The following PLEKHM3 variants were observed in gnomAD, a reference collection of about 807,000 sequenced individuals.
The protein encoded by PLEKHM3 is pleckstrin homology domain-containing family M member 3.
In PLEKHM3, 45 loss-of-function variants were observed where a neutral mutation model predicts 81.8. The observed-to-expected ratio is 0.55, with a 90% CI of 0.43 to 0.71. The LOEUF (loss-of-function observed/expected upper bound fraction) is 0.71. Ranked by LOEUF, PLEKHM3 falls within the 30% of genes least tolerant of loss-of-function variation. PLEKHM3 has a pLI of 0.00. For missense variants in PLEKHM3, 788 were observed against 924.3 expected (o/e 0.85, Z 1.91); for synonymous variants, 352 against 356.4 (o/e 0.99, Z 0.14).
At chr2:207,948,033 C>T (rs1159928132) in intron 3 of PLEKHM3, among the ~76,000 whole-genome samples, 3 of 152,144 alleles carry the variant, frequency 2.0e-5, no homozygotes, top group African/African-American at 7.2e-5. Flanking sequence ...GCTTCCAGAG[C>T]TTGATCCAGT....
chr2:208,009,848 C>CGAA (rs1357508635), intron 1 of PLEKHM3, among the ~76,000 whole-genome samples: 1 of 152,142 alleles, frequency 6.6e-6, no homozygotes, highest in East Asian at 1.9e-4. Context: ...ATTTGAATTC[C>CGAA]TTATAGGCTC....
intron 3 of PLEKHM3, among the ~76,000 whole-genome samples, chr2:207,964,092 G>C (rs1177569338): frequency 6.6e-6 from 1 of 152,040 alleles, no homozygotes; most frequent in African/African-American, 2.4e-5. Flanking sequence ...CATGCCTGTA[G>C]TCCCAGCTAC....
At position 207,963,289 on chromosome 2, in the gene PLEKHM3, A is replaced by G. The variant is rs577514191; in HGVS notation, c.1546+13362T>C. 3.3e-5 allele frequency among the ~76,000 whole-genome samples: 5 copies of G among 152,340 alleles called. No individual in the cohort carries two copies. In the South Asian group the frequency reaches 6.2e-4, roughly 19 times the overall value. On this transcript the variant is annotated intron_variant, in intron 3 of 7. Coordinates refer to ENST00000427836, the MANE Select transcript of PLEKHM3 (RefSeq NM_001080475.3). ...GAAAGTGGTGCATCTGAGGAACAGAAGAAAGCCAGTGTGGCTGGAACAGTG... is the reference window on the plus strand; with the variant it reads ...GAAAGTGGTGCATCTGAGGAACAGAGGAAAGCCAGTGTGGCTGGAACAGTG...
intron 1 of PLEKHM3, among the ~76,000 whole-genome samples, chr2:208,010,714 C>T (rs527881087): frequency 7.9e-5 from 12 of 152,128 alleles, no homozygotes; most frequent in Non-Finnish European, 1.0e-4. Context: ...ATGCAAGATA[C>T]CCAGAAAGGG....
chr2:207,843,383 A>C lies in PLEKHM3; in HGVS notation c.2109-14887T>G, dbSNP rs1006549111. Among the ~76,000 whole-genome samples the C allele has an allele frequency of 1.3e-5, 2 of 152,188 alleles. No homozygotes were observed. Among genetic ancestry groups the C allele is most frequent in the Admixed American group, 6.5e-5 (1 of 15,272 alleles). On this transcript the variant is annotated intron_variant, in intron 7 of 7. Transcript: ENST00000427836. This position sits in a 1 kb window ranked among gnomAD's most constrained non-coding sequence, Gnocchi z 4.4. Reference sequence around the variant, plus strand: ...TAGCCTGGGAGAAGGAGACTTGAGTACTGCTTGTAGGTACTTTGGAAGTAT... The same window carrying C: ...TAGCCTGGGAGAAGGAGACTTGAGTCCTGCTTGTAGGTACTTTGGAAGTAT...
intron 6 of PLEKHM3, among the ~76,000 whole-genome samples, chr2:207,892,912 G>A (rs1284813236): frequency 6.6e-6 from 1 of 152,170 alleles, no homozygotes; most frequent in African/African-American, 2.4e-5. Flanking sequence ...CAAACTCATA[G>A]AAGGAATTCA....
At chr2:207,917,311 T>C (rs1466804980) in intron 5 of PLEKHM3, among the ~76,000 whole-genome samples, 5 of 151,994 alleles carry the variant, frequency 3.3e-5, no homozygotes, top group Admixed American at 2.0e-4. Flanking sequence ...ACATAAAGAG[T>C]TGTTTTCACT....
At chr2:207,862,916 A>G (rs2092475067) in intron 6 of PLEKHM3, among the ~76,000 whole-genome samples, 1 of 152,200 alleles carries the variant, frequency 6.6e-6, no homozygotes, top group African/African-American at 2.4e-5. Flanking sequence ...GTACCCTCCC[A>G]TGTGTGGAAA....
At chr2:207,895,342 G>A (rs1688188115) in intron 6 of PLEKHM3, among the ~76,000 whole-genome samples, 1 of 152,158 alleles carries the variant, frequency 6.6e-6, no homozygotes, top group African/African-American at 2.4e-5. Flanking sequence ...TCTGCCAGAT[G>A]ATCAGTCCCT....
intron 6 of PLEKHM3, among the ~76,000 whole-genome samples, chr2:207,874,391 A>G (rs1455360493): frequency 3.3e-5 from 5 of 152,008 alleles, no homozygotes; most frequent in African/African-American, 4.8e-5. Flanking sequence ...CCTGACCAAA[A>G]TGGACAAACC....
At chr2:207,929,770 T>C (rs537453688) in intron 5 of PLEKHM3, 1 of 541,028 alleles carries the variant, frequency 1.8e-6, no homozygotes, top group South Asian at 2.9e-5. Flanking sequence ...ATATTATATA[T>C]CCTTTACTAT....
chr2:207,836,943 G>A (rs1460651555), intron 7 of PLEKHM3, among the ~76,000 whole-genome samples: 1 of 152,218 alleles, frequency 6.6e-6, no homozygotes, highest in Admixed American at 6.5e-5. Context: ...AACGAATGGG[G>A]TGGGGCTCAG....
intron 4 of PLEKHM3, among the ~76,000 whole-genome samples, chr2:207,942,496 G>T (rs1426784513): frequency 6.6e-6 from 1 of 152,166 alleles, no homozygotes; most frequent in Non-Finnish European, 1.5e-5. Context: ...CTTGAAAAAA[G>T]AATAAAATTC....
At chr2:207,916,714 C>T (rs1418946721) in intron 5 of PLEKHM3, among the ~76,000 whole-genome samples, 2 of 151,932 alleles carry the variant, frequency 1.3e-5, no homozygotes, top group African/African-American at 2.4e-5. Context: ...CACCACTGCA[C>T]TCCAGCCCAG....
intron 2 of PLEKHM3, among the ~76,000 whole-genome samples, chr2:207,993,116 GA>G (rs200828916): frequency 2.0e-5 from 3 of 150,948 alleles, no homozygotes; most frequent in East Asian, 1.9e-4. Flanking sequence ...TAGCCAAAAA[GA>G]AAAAAAAATT....
chr2:207,830,536 C>G (rs2092280511), intron 7 of PLEKHM3, among the ~76,000 whole-genome samples: 1 of 150,342 alleles, frequency 6.7e-6, no homozygotes, highest in Non-Finnish European at 1.5e-5. Flanking sequence ...TTGCTTGAAC[C>G]CGGGAGGTGG....
At chr2:207,905,385 A>C (rs1559230010) in intron 6 of PLEKHM3, among the ~76,000 whole-genome samples, 1 of 152,252 alleles carries the variant, frequency 6.6e-6, no homozygotes, top group Non-Finnish European at 1.5e-5. Flanking sequence ...AAAAAGGCCC[A>C]GGACGCCATA....
At chr2:207,950,598 C>G (rs759202076) in intron 3 of PLEKHM3, among the ~76,000 whole-genome samples, 4 of 152,140 alleles carry the variant, frequency 2.6e-5, no homozygotes, top group African/African-American at 9.7e-5. Flanking sequence ...CCAACCCACA[C>G]GCGGGACGTT....
rs2092367023 is a variant in PLEKHM3 at position 207,843,776 on chromosome 2, G to C, written c.2109-15280C>G. 6.6e-6 allele frequency among the ~76,000 whole-genome samples: 1 copy of C among 152,072 alleles called. No homozygotes were observed. The highest frequency in any genetic ancestry group is 1.5e-5 in the Non-Finnish European group (1 of 68,006). On this transcript the variant is annotated intron_variant, in intron 7 of 7. Coordinates refer to ENST00000427836, the MANE Select transcript of PLEKHM3 (RefSeq NM_001080475.3). This position sits in a 1 kb window ranked among gnomAD's most constrained non-coding sequence, Gnocchi z 4.4. ...TTTAAATTTCCTTTCCACCATCACA[G>C]ATTCGCTTTCTGGAAAAAAACGTGG...
Sources: gnomAD v4.1 joint callset for allele counts (sites outside exome capture counted in the v4.1 genomes callset) on GRCh38, gnomAD v4.1.1 for gene constraint, Gnocchi (gnomAD v3.1) non-coding constraint, MANE v1.5 for transcripts, NCBI Gene and HGNC (gene_info 2026-07-23, HGNC 2026-07-21) for gene names.